Variants in SLIT2 observed in about 807,000 individuals in gnomAD.
The protein encoded by SLIT2 is slit homolog 2 protein.
A neutral mutation model predicts 185.7 loss-of-function variants in SLIT2; 41 were observed. The observed-to-expected ratio is 0.22, with a 90% CI of 0.17 to 0.29. The LOEUF (loss-of-function observed/expected upper bound fraction) is 0.29. SLIT2 is among the 10% of genes least tolerant of loss of function. The pLI, the probability that SLIT2 is intolerant of heterozygous loss-of-function variation, is 1.00. For missense variants in SLIT2, 1,571 were observed against 1,909.0 expected, an observed-to-expected ratio of 0.82 and a Z score of 3.30; for synonymous variants, 693 against 680.2, an observed-to-expected ratio of 1.02 and a Z score of -0.29.
intron 4 of SLIT2, among the ~76,000 whole-genome samples, chr4:20,324,130 A>G (rs1448329826): frequency 6.6e-6 from 1 of 152,196 alleles, no homozygotes; most frequent in African/African-American, 2.4e-5. Context: ...AAGGCTAGCC[A>G]GTCATCACAG....
At chr4:20,346,311 G>T (rs1246607872) in intron 4 of SLIT2, among the ~76,000 whole-genome samples, 1 of 152,066 alleles carries the variant, frequency 6.6e-6, no homozygotes, top group East Asian at 1.9e-4. Flanking sequence ...TGATATTTTG[G>T]ACCAAATAAT....
chr4:20,345,995 T>C (rs1168657662), intron 4 of SLIT2, among the ~76,000 whole-genome samples: 1 of 151,740 alleles, frequency 6.6e-6, no homozygotes, highest in African/African-American at 2.4e-5. Context: ...TTTATTTTTG[T>C]TGTTGTTGTT....
At chr4:20,560,060 C>T (rs1009242269) in intron 26 of SLIT2, among the ~76,000 whole-genome samples, 3 of 151,838 alleles carry the variant, frequency 2.0e-5, no homozygotes, top group Admixed American at 1.3e-4. Flanking sequence ...TTTAAAGCAG[C>T]AAAGTCATGT....
At chr4:20,554,401 T>C (rs1265653077) in intron 26 of SLIT2, 2 of 454,836 alleles carry the variant, frequency 4.4e-6, no homozygotes, top group African/African-American at 2.0e-5. Context: ...CCTTATGTGC[T>C]GCAGCCTTCC....
chr4:20,489,038 G>GGATAC, intron 8 of SLIT2, 56 bp downstream of exon 8: 1 of 1,425,082 alleles, frequency 7.0e-7, no homozygotes, highest in Non-Finnish European at 9.8e-7. Context: ...TTATGTAACA[G>GGATAC]AATGTGAGGG....
chr4:20,552,746 A>G (rs1189727328), intron 25 of SLIT2: 2 of 152,176 alleles, frequency 1.3e-5, no homozygotes, highest in African/African-American at 4.8e-5. Flanking sequence ...AAAATAAGAT[A>G]ACTATCCTGA....
In SLIT2 at chr4:20,472,347, G is replaced by T. The variant is rs1375738521; in HGVS notation, c.467+4524G>T. Among the ~76,000 whole-genome samples the T allele has an allele frequency of 9.8e-3, 190 of 19,290 alleles. 7 individuals carry two copies. Among genetic ancestry groups the T allele is most frequent in the Middle Eastern group, 0.067 (2 of 30 alleles). The allele number at this position is 19,290 out of a possible 152,430, so 12.7% of individuals were successfully genotyped here. On this transcript the variant is annotated intron_variant, in intron 5 of 36. Transcript: ENST00000504154. ...ATATCTATATATAGATCTATATATA[G>T]ATATAGATATCTATATAGATATCTA...
At chr4:20,574,055 C>T (rs1239042594) in intron 29 of SLIT2, among the ~76,000 whole-genome samples, 2 of 151,710 alleles carry the variant, frequency 1.3e-5, no homozygotes, top group Admixed American at 6.6e-5. Flanking sequence ...CCCAGGTTCA[C>T]GCCATTCTCC....
intron 4 of SLIT2, among the ~76,000 whole-genome samples, chr4:20,361,000 TCAA>T (rs1722690953): frequency 6.6e-6 from 1 of 152,206 alleles, no homozygotes; most frequent in South Asian, 2.1e-4. Context: ...GCCATATCTC[TCAA>T]CAAACGCTAA....
chr4:20,346,537 A>G (rs1721428209), intron 4 of SLIT2, among the ~76,000 whole-genome samples: 1 of 152,190 alleles, frequency 6.6e-6, no homozygotes, highest in Non-Finnish European at 1.5e-5. Context: ...AGGGTTCTCT[A>G]GAGGGGCAGT....
intron 4 of SLIT2, among the ~76,000 whole-genome samples, chr4:20,344,063 A>G (rs1455171845): frequency 6.6e-6 from 1 of 152,032 alleles, no homozygotes; most frequent in Non-Finnish European, 1.5e-5. Flanking sequence ...GTTGGCCAGG[A>G]TGGTCTCGAT....
chr4:20,599,572 C>T (rs1057344791), intron 33 of SLIT2, among the ~76,000 whole-genome samples: 2 of 152,086 alleles, frequency 1.3e-5, no homozygotes. Flanking sequence ...CTGGAATGAA[C>T]CAATAGTAAA....
chr4:20,537,842 T>C (rs1722437572), intron 18 of SLIT2, among the ~76,000 whole-genome samples: 2 of 152,240 alleles, frequency 1.3e-5, no homozygotes, highest in African/African-American at 2.4e-5. Flanking sequence ...CTAATTCATA[T>C]ACATATTTCA....
chr4:20,593,654 T>C (rs1727691563), intron 30 of SLIT2, among the ~76,000 whole-genome samples: 1 of 152,112 alleles, frequency 6.6e-6, no homozygotes, highest in Non-Finnish European at 1.5e-5. Context: ...AGGGTAACTA[T>C]GGGAGGTGAT....
intron 19 of SLIT2, among the ~76,000 whole-genome samples, chr4:20,540,897 G>A (rs1056059774): frequency 2.6e-5 from 4 of 152,160 alleles, no homozygotes; most frequent in African/African-American, 4.8e-5. Flanking sequence ...ATTGAAATTT[G>A]TAGAAGTAAA....
intron 21 of SLIT2, among the ~76,000 whole-genome samples, chr4:20,545,173 C>T (rs765794679): frequency 6.6e-6 from 1 of 151,974 alleles, no homozygotes. Context: ...GGGGTAGGAA[C>T]GGCCACATGT....
chr4:20,314,666 A>C (rs1003552137), intron 4 of SLIT2, among the ~76,000 whole-genome samples: 1 of 152,176 alleles, frequency 6.6e-6, no homozygotes, highest in African/African-American at 2.4e-5. Flanking sequence ...AAAAAATAGG[A>C]CAGGATAAAA....
chr4:20,543,938 C>G (rs773732757), intron 21 of SLIT2, among the ~76,000 whole-genome samples: 1 of 151,912 alleles, frequency 6.6e-6, no homozygotes, highest in African/African-American at 2.4e-5. Context: ...AGGGATATTC[C>G]GAAACCCTCC....
rs1346953039 is a variant in SLIT2, at chr4:20,251,905, A to T, written c.-1911A>T. 6.6e-6 allele frequency among the ~76,000 whole-genome samples: 1 copy of T among 151,654 alleles called. No homozygotes were observed. Among genetic ancestry groups the T allele is most frequent in the Non-Finnish European group, 1.5e-5 (1 of 67,898 alleles). On this transcript the variant is annotated 5_prime_UTR_variant, in exon 1 of 37. Coordinates refer to ENST00000504154, the MANE Select transcript of SLIT2 (RefSeq NM_004787.4). ...AAGGCCCGCGCCGGCTCAACTTCGG[A>T]CTTGGTGTTATTTATTTGGGAAGCG...
Sources: gnomAD v4.1 joint callset for allele counts (sites outside exome capture counted in the v4.1 genomes callset) on GRCh38, gnomAD v4.1.1 for gene constraint, MANE v1.5 for transcripts, NCBI Gene and HGNC (gene_info 2026-07-23, HGNC 2026-07-21) for gene names.